NT5M: variants seen among roughly 807,000 people sequenced by gnomAD.
The protein encoded by NT5M is 5'(3')-deoxyribonucleotidase, mitochondrial.
Under a neutral mutation model 22.2 loss-of-function variants are expected in NT5M, and 22 were observed. The ratio of observed to expected loss-of-function variants is 0.99; its 90% CI spans 0.71 to 1.41. NT5M has a LOEUF of 1.41. Ranked by LOEUF, NT5M falls within the 40% of genes most tolerant of loss-of-function variation. NT5M has a pLI of 0.00. For missense variants in NT5M, 322 were observed against 314.8 expected (o/e 1.02, Z -0.17); for synonymous variants, 167 against 133.0 (o/e 1.26, Z -1.76).
At position 17,331,811 on chromosome 17, in the gene NT5M, C is replaced by A. The variant is rs574558164; in HGVS notation, c.429+8566C>A. 1.6e-4 allele frequency among the ~76,000 whole-genome samples: 24 copies of A among 150,272 alleles called. 2 individuals carry two copies. Among genetic ancestry groups the A allele is most frequent in the African/African-American group, 5.7e-4 (23 of 40,386 alleles). On this transcript the variant is annotated intron_variant, in intron 3 of 4. Coordinates refer to ENST00000389022, the MANE Select transcript of NT5M (RefSeq NM_020201.4). ...TCTTTTTTTTTTTGAGATGGAGTCTCGCTGTGTCACCTAAGCTGGAGTGCA... is the reference window on the plus strand; with the variant it reads ...TCTTTTTTTTTTTGAGATGGAGTCTAGCTGTGTCACCTAAGCTGGAGTGCA...
At chr17:17,346,018 T>C (rs1454226272) in intron 4 of NT5M, among the ~76,000 whole-genome samples, 1 of 152,242 alleles carries the variant, frequency 6.6e-6, no homozygotes, top group Non-Finnish European at 1.5e-5. Context: ...GTCGAGTCTT[T>C]TGGACACCCC....
At chr17:17,307,232 G>T (rs2048823102) in intron 2 of NT5M, among the ~76,000 whole-genome samples, 1 of 152,166 alleles carries the variant, frequency 6.6e-6, no homozygotes, top group African/African-American at 2.4e-5. Flanking sequence ...TCTCAGAACT[G>T]ACTGTGCTAG....
chr17:17,324,724 A>C (rs1200304790), intron 3 of NT5M, among the ~76,000 whole-genome samples: 2 of 151,890 alleles, frequency 1.3e-5, no homozygotes, highest in East Asian at 3.9e-4. Context: ...TGCAGTGGCC[A>C]CTCACAGGTG....
intron 3 of NT5M, among the ~76,000 whole-genome samples, chr17:17,330,279 G>A (rs2049349028): frequency 7.2e-6 from 1 of 138,730 alleles, no homozygotes; most frequent in Non-Finnish European, 1.5e-5. Flanking sequence ...CAGCCTGAGT[G>A]ACAGTCAGAC....
chr17:17,325,762 C>T (rs2049253345), intron 3 of NT5M, among the ~76,000 whole-genome samples: 3 of 152,204 alleles, frequency 2.0e-5, no homozygotes, highest in Admixed American at 2.0e-4. Flanking sequence ...GCTTCTCCAG[C>T]AGCTTTTGGC....
chr17:17,305,095 C>T (rs1318460461), intron 1 of NT5M, among the ~76,000 whole-genome samples: 1 of 152,070 alleles, frequency 6.6e-6, no homozygotes, highest in African/African-American at 2.4e-5. Flanking sequence ...ATAGGCAGCG[C>T]TCGGCATGGG....
In NT5M at chr17:17,340,265, A is replaced by T. The variant is rs8080335; in HGVS notation, c.430-4529A>T. ...CCTCTAGATTTTCTAATGTATTGGC[A>T]TGTAGTTGCCCATAGTAGCCACCGA... On this transcript the variant is annotated intron_variant, in intron 3 of 4. Transcript: ENST00000389022. Among the ~76,000 whole-genome samples the T allele has an allele frequency of 5.4e-3, 825 of 152,246 alleles. 9 individuals carry two copies. The highest frequency in any genetic ancestry group is 0.019 in the African/African-American group (802 of 41,538).
In NT5M at chr17:17,321,243, TTGAA is replaced by T. The variant is rs2049145979; in HGVS notation, c.369-1938_369-1935del. ...GCATTCGGGAGGTGCCAGCATGCGT[TTGAA>T]TGAGGTTCATGGAGGAGGATAGCAA... On this transcript the variant is annotated intron_variant, in intron 2 of 4. Transcript: ENST00000389022. Among the ~76,000 whole-genome samples, 5 of 151,938 alleles carry T rather than the reference TTGAA, an allele frequency of 3.3e-5. No homozygotes were observed. In the South Asian group the frequency reaches 1.0e-3, roughly 32 times the overall value.
At chr17:17,344,763 T>A in intron 3 of NT5M, 31 bp from the exon 4 acceptor site, 1 of 1,609,010 alleles carries the variant, frequency 6.2e-7, no homozygotes, top group African/African-American at 1.3e-5. Flanking sequence ...CACTTTCTTC[T>A]CACCACCTGC....
chr17:17,329,328 C>T (rs1337314282), intron 3 of NT5M, among the ~76,000 whole-genome samples: 1 of 152,188 alleles, frequency 6.6e-6, no homozygotes, highest in Non-Finnish European at 1.5e-5. Flanking sequence ...CAGACTGAGG[C>T]ACAGACAGTT....
intron 2 of NT5M, among the ~76,000 whole-genome samples, chr17:17,313,153 C>G (rs866648771): frequency 6.6e-6 from 1 of 151,996 alleles, no homozygotes; most frequent in African/African-American, 2.4e-5. Flanking sequence ...TGGGGCATGC[C>G]TGTAATCCCA....
At chr17:17,310,911 C>G (rs554065850) in intron 2 of NT5M, among the ~76,000 whole-genome samples, 120 of 152,266 alleles carry the variant, frequency 7.9e-4, no homozygotes, top group African/African-American at 2.8e-3. Context: ...CTTATCCCAG[C>G]ACTTTGGGAG....
chr17:17,323,546 A>G (rs2049200303), intron 3 of NT5M, among the ~76,000 whole-genome samples: 2 of 152,242 alleles, frequency 1.3e-5, no homozygotes, highest in African/African-American at 2.4e-5. Flanking sequence ...CATTAACATG[A>G]AAAGTCTTAA....
Position 17,323,262 on chromosome 17 carries a change from C to T in NT5M, c.429+17C>T, listed in dbSNP as rs1321978552. 6.2e-7 allele frequency: 1 copy of T among 1,608,988 alleles called. No individual in the cohort carries two copies. The highest frequency in any genetic ancestry group is 2.2e-5 in the East Asian group (1 of 44,856). On this transcript the variant is annotated intron_variant, in intron 3 of 4. Transcript: ENST00000389022. ...TATGAGAAGGTAAGGCGTGCGTCTGCTCAGCTGAGCCCTTACCCCATGCAT... is the reference window on the plus strand; with the variant it reads ...TATGAGAAGGTAAGGCGTGCGTCTGTTCAGCTGAGCCCTTACCCCATGCAT...
intron 3 of NT5M, among the ~76,000 whole-genome samples, chr17:17,334,322 T>C (rs1198120496): frequency 6.6e-6 from 1 of 151,630 alleles, no homozygotes; most frequent in Non-Finnish European, 1.5e-5. Flanking sequence ...GGTTTTTTTT[T>C]TTTTTGCATG....
intron 3 of NT5M, among the ~76,000 whole-genome samples, chr17:17,338,339 T>C (rs980321972): frequency 1.3e-5 from 2 of 151,898 alleles, no homozygotes; most frequent in Non-Finnish European, 1.5e-5. Context: ...ACTACAGGCA[T>C]GTGCCACCAT....
At chr17:17,322,845 G>C (rs985251841) in intron 2 of NT5M, among the ~76,000 whole-genome samples, 6 of 152,218 alleles carry the variant, frequency 3.9e-5, no homozygotes, top group African/African-American at 1.4e-4. Flanking sequence ...CATGGAGTAG[G>C]CTCCTTCTCT....
At chr17:17,337,093 G>C (rs993817899) in intron 3 of NT5M, among the ~76,000 whole-genome samples, 3 of 151,960 alleles carry the variant, frequency 2.0e-5, no homozygotes, top group Non-Finnish European at 4.4e-5. Flanking sequence ...TTTTCTTCTT[G>C]TCCTCTCCAG....
chr17:17,307,504 CTGAGG>C, intron 2 of NT5M, among the ~76,000 whole-genome samples: 4 of 134,422 alleles, frequency 3.0e-5, no homozygotes, highest in Non-Finnish European at 6.5e-5. Context: ...CTTTGGGAGG[CTGAGG>C]CAGGTGGATT....
Sources: gnomAD v4.1 joint callset for allele counts (sites outside exome capture counted in the v4.1 genomes callset) on GRCh38, gnomAD v4.1.1 for gene constraint, MANE v1.5 for transcripts, NCBI Gene and HGNC (gene_info 2026-07-23, HGNC 2026-07-21) for gene names.